NEBL: variants seen among roughly 807,000 people sequenced by gnomAD.
The protein encoded by NEBL is nebulette.
Under a neutral mutation model 140.2 loss-of-function variants are expected in NEBL, and 122 were observed. The observed-to-expected ratio is 0.87, with a 90% CI of 0.75 to 1.01. The LOEUF (loss-of-function observed/expected upper bound fraction) is 1.01. Ranked by LOEUF, NEBL falls within the 50% of genes least tolerant of loss-of-function variation. The pLI, the probability that NEBL is intolerant of heterozygous loss-of-function variation, is 0.00. For missense variants in NEBL, 1,365 were observed against 1,231.3 expected (o/e 1.11, Z -1.62); for synonymous variants, 436 against 398.9 (o/e 1.09, Z -1.11).
At chr10:20,982,170 A>C (rs547629351) in intron 3 of NEBL, among the ~76,000 whole-genome samples, 1 of 152,336 alleles carries the variant, frequency 6.6e-6, no homozygotes, top group African/African-American at 2.4e-5. Flanking sequence ...GTACTCAAAA[A>C]TCATTTGCAT....
chr10:20,836,844 G>A (rs1359727357), intron 13 of NEBL, among the ~76,000 whole-genome samples: 1 of 152,022 alleles, frequency 6.6e-6, no homozygotes, highest in Non-Finnish European at 1.5e-5. Flanking sequence ...ATGGCCATGG[G>A]ACAAGGACCC....
intron 26 of NEBL, among the ~76,000 whole-genome samples, chr10:20,798,370 C>T (rs1178101804): frequency 6.6e-6 from 1 of 152,132 alleles, no homozygotes; most frequent in East Asian, 1.9e-4. Flanking sequence ...TAATGTGGGG[C>T]ACCTGGCTGA....
intron 4 of NEBL, among the ~76,000 whole-genome samples, chr10:20,936,898 C>T (rs954000493): frequency 6.6e-6 from 1 of 152,202 alleles, no homozygotes; most frequent in African/African-American, 2.4e-5. Context: ...ATCACATACT[C>T]TTAAAAAGAA....
At chr10:21,057,241 G>A (rs527453482) in intron 2 of NEBL, among the ~76,000 whole-genome samples, 1 of 152,124 alleles carries the variant, frequency 6.6e-6, no homozygotes, top group South Asian at 2.1e-4. Flanking sequence ...ACCTGGTTGG[G>A]AGAACAGTCT....
chr10:21,030,875 C>T (rs1564486586), intron 2 of NEBL: 3 of 283,868 alleles, frequency 1.1e-5, no homozygotes, highest in African/African-American at 4.4e-5. Flanking sequence ...AACACCTGTA[C>T]ATCATGGCAC....
intron 2 of NEBL, among the ~76,000 whole-genome samples, chr10:21,155,229 C>G (rs1157173091): frequency 6.6e-6 from 1 of 152,162 alleles, no homozygotes; most frequent in African/African-American, 2.4e-5. Flanking sequence ...GTAATCACAT[C>G]ATGGAAAATG....
intron 2 of NEBL, among the ~76,000 whole-genome samples, chr10:21,161,719 G>A (rs1025947302): frequency 1.3e-5 from 2 of 152,114 alleles, no homozygotes; most frequent in Non-Finnish European, 2.9e-5. Context: ...CCTCATTCAT[G>A]TCCTGATGGA....
intron 3 of NEBL, among the ~76,000 whole-genome samples, chr10:20,997,114 G>C (rs1837697240): frequency 6.6e-6 from 1 of 152,114 alleles, no homozygotes; most frequent in Non-Finnish European, 1.5e-5. Context: ...TACTATCACT[G>C]TTTGTCCATC....
At chr10:21,155,665 C>T (rs1014205515) in intron 2 of NEBL, among the ~76,000 whole-genome samples, 1 of 152,192 alleles carries the variant, frequency 6.6e-6, no homozygotes, top group African/African-American at 2.4e-5. Context: ...CACTGGTAAT[C>T]ACTGCATTGC....
At chr10:20,794,453 A>C (rs1836307445) in intron 26 of NEBL, among the ~76,000 whole-genome samples, 1 of 152,208 alleles carries the variant, frequency 6.6e-6, no homozygotes, top group Non-Finnish European at 1.5e-5. Context: ...TACTACTTAT[A>C]GTGATAAAAC....
At chr10:21,233,926 T>TAC (rs1252061992) in intron 3 of NEBL, among the ~76,000 whole-genome samples, 1 of 135,862 alleles carries the variant, frequency 7.4e-6, no homozygotes, top group Admixed American at 7.4e-5. Flanking sequence ...GGATATATAT[T>TAC]ACATATATAT....
At chr10:20,911,277 G>A (rs543620593) in intron 4 of NEBL, among the ~76,000 whole-genome samples, 1 of 152,250 alleles carries the variant, frequency 6.6e-6, no homozygotes, top group South Asian at 2.1e-4. Flanking sequence ...AATTCTATCA[G>A]GATCCCCAAA....
chr10:21,097,822 G>A (rs1837263845), intron 2 of NEBL, among the ~76,000 whole-genome samples: 1 of 152,146 alleles, frequency 6.6e-6, no homozygotes, highest in Non-Finnish European at 1.5e-5. Flanking sequence ...AATAAATGAA[G>A]ACATTGGACT....
intron 2 of NEBL, among the ~76,000 whole-genome samples, chr10:21,072,360 A>G (rs550788821): frequency 9.2e-5 from 14 of 152,240 alleles, no homozygotes; most frequent in African/African-American, 3.1e-4. Context: ...TCCATACCAT[A>G]TGTACATCTC....
chr10:21,088,108 C>T (rs568817942), intron 2 of NEBL, among the ~76,000 whole-genome samples: 1 of 152,182 alleles, frequency 6.6e-6, no homozygotes, highest in East Asian at 1.9e-4. Flanking sequence ...TCAGGAATCA[C>T]CCCTGGGTCT....
chr10:21,068,676 T>C (rs1468183530), intron 2 of NEBL, among the ~76,000 whole-genome samples: 1 of 152,220 alleles, frequency 6.6e-6, no homozygotes, highest in Non-Finnish European at 1.5e-5. Context: ...CCCTCTTTTC[T>C]GCTCTAGGTA....
intron 12 of NEBL, among the ~76,000 whole-genome samples, chr10:20,844,361 C>A (rs978900038): frequency 1.3e-5 from 2 of 150,392 alleles, no homozygotes; most frequent in African/African-American, 4.9e-5. Flanking sequence ...GTTTATATAT[C>A]ATAAAATATA....
rs554282792 is a variant in NEBL at position 21,237,577 on chromosome 10, T to C, written n.348+10344A>G. Among the ~76,000 whole-genome samples, 9 of 152,182 alleles carry C rather than the reference T, an allele frequency of 5.9e-5. No homozygotes were observed. In the South Asian group the frequency reaches 1.9e-3, roughly 32 times the overall value. On this transcript the variant is annotated intron_variant and non_coding_transcript_variant, in intron 3 of 8. Transcript: ENST00000675702. ...GACATCTGGTCTTCCTTGGAGACCA[T>C]ACAGCATCTCCCTCATATCTTTCTA...
At chr10:21,250,305 G>A (rs770722160) in intron 2 of NEBL, among the ~76,000 whole-genome samples, 1 of 152,098 alleles carries the variant, frequency 6.6e-6, no homozygotes, top group Non-Finnish European at 1.5e-5. Flanking sequence ...ACATAAAAAG[G>A]CTAGATTGGC....
Sources: gnomAD v4.1 joint callset for allele counts (sites outside exome capture counted in the v4.1 genomes callset) on GRCh38, gnomAD v4.1.1 for gene constraint, MANE v1.5 for transcripts, NCBI Gene and HGNC (gene_info 2026-07-23, HGNC 2026-07-21) for gene names.